The following AGBL1 variants were observed in gnomAD, a reference collection of about 807,000 sequenced individuals.
AGBL1 encodes AGBL carboxypeptidase 1.
A neutral mutation model predicts 118.9 loss-of-function variants in AGBL1; 130 were observed. That is an observed-to-expected ratio of 1.09 (90% confidence interval 0.95 to 1.26). The LOEUF is 1.26. AGBL1 is among the 50% of genes most tolerant of loss of function. The pLI, the probability that AGBL1 is intolerant of heterozygous loss-of-function variation, is 0.00. For synonymous variants in AGBL1, 555 were observed against 478.9 expected (o/e 1.16, Z -2.08); for missense variants, 1,584 against 1,298.1 (o/e 1.22, Z -3.38).
At chr15:87,029,418 T>G (rs1596759087), downstream of AGBL1, among the ~76,000 whole-genome samples, 1 of 151,944 alleles carries the variant, frequency 6.6e-6, no homozygotes, top group Admixed American at 6.6e-5. Flanking sequence ...AGTTCATGCA[T>G]GCTTTGATGT....
chr15:86,263,255 C>T (rs938838155), intron 10 of AGBL1, among the ~76,000 whole-genome samples: 1 of 152,142 alleles, frequency 6.6e-6, no homozygotes, highest in Admixed American at 6.5e-5. Context: ...ACACACAAAT[C>T]CCATTGTATT....
chr15:86,827,443 GTGTGTGTATATATATATATATA>G (rs2079038210), intron 22 of AGBL1, among the ~76,000 whole-genome samples: 1 of 4,552 alleles, frequency 2.2e-4, no homozygotes, highest in African/African-American at 7.8e-4. Flanking sequence ...ATATATATAT[GTGTGTGTATATATATATATATA>G]TATACATATA....
rs147171430 is a variant in AGBL1 at position 86,247,924 on chromosome 15, T to C, written c.735+45T>C. The C allele has an allele frequency of 3.7e-4, 596 of 1,594,294 alleles. 5 individuals are homozygous for C. In the African/African-American group the frequency reaches 7.0e-3, roughly 19 times the overall value. ...ACTCTGCAGCTGGAGGCCAGCTGGGTGATTCCTGAAGGCTGTCATTTAGGA... is the reference window on the plus strand; with the variant it reads ...ACTCTGCAGCTGGAGGCCAGCTGGGCGATTCCTGAAGGCTGTCATTTAGGA... On this transcript the variant is annotated intron_variant, in intron 7 of 22. Transcript: ENST00000614907.
intron 5 of AGBL1, among the ~76,000 whole-genome samples, chr15:86,187,182 C>A (rs1171522670): frequency 6.6e-6 from 1 of 152,144 alleles, no homozygotes; most frequent in Non-Finnish European, 1.5e-5. Context: ...ATAGTATCAG[C>A]AATTAAAAAA....
At chr15:86,489,420 A>T (rs1407823440) in intron 18 of AGBL1, among the ~76,000 whole-genome samples, 2 of 152,150 alleles carry the variant, frequency 1.3e-5, no homozygotes. Context: ...ACTTGATGTG[A>T]CTATTGGTAA....
chr15:86,557,442 C>CA (rs1382840433), intron 21 of AGBL1, among the ~76,000 whole-genome samples: 5 of 152,198 alleles, frequency 3.3e-5, no homozygotes, highest in African/African-American at 1.2e-4. Context: ...AGCAGGCTGT[C>CA]AGCTTGCTCC....
In AGBL1 at chr15:86,341,573, C is replaced by G. The variant is rs550590839; in HGVS notation, c.2374+46165C>G. Among the ~76,000 whole-genome samples, 37 of 152,312 alleles carry G rather than the reference C, an allele frequency of 2.4e-4. No individual in the cohort carries two copies. In the South Asian group the frequency reaches 7.3e-3, roughly 30 times the overall value. On this transcript the variant is annotated intron_variant, in intron 17 of 22. Transcript: ENST00000614907. ...ATATATTCCCAGAAATGGCAGTCCT[C>G]AGGTGCCTTTTAAAGATTCCTCATG...
exon 24 of AGBL1, chr15:86,988,037 T>C: frequency 6.2e-7 from 1 of 1,613,820 alleles, no homozygotes; most frequent in Non-Finnish European, 8.5e-7. Flanking sequence ...GCTTACCACT[T>C]TTTTGCCATT....
intron 17 of AGBL1, among the ~76,000 whole-genome samples, chr15:86,327,694 G>C (rs1183208046): frequency 1.3e-5 from 2 of 152,206 alleles, no homozygotes; most frequent in African/African-American, 4.8e-5. Flanking sequence ...AGGAAATTCA[G>C]CTGAGTTTGT....
chr15:86,097,835 A>G (rs1189264860), intron 1 of AGBL1, among the ~76,000 whole-genome samples: 1 of 152,118 alleles, frequency 6.6e-6, no homozygotes, highest in African/African-American at 2.4e-5. Flanking sequence ...ATAAATACTC[A>G]GTGGTAGAAT....
At chr15:86,683,642 A>C (rs1157592757) in intron 22 of AGBL1, among the ~76,000 whole-genome samples, 1 of 152,148 alleles carries the variant, frequency 6.6e-6, no homozygotes, top group Non-Finnish European at 1.5e-5. Flanking sequence ...TCTCTTGCCT[A>C]TGAAACTATA....
At chr15:86,226,065 C>T (rs1485982945) in intron 6 of AGBL1, among the ~76,000 whole-genome samples, 2 of 152,088 alleles carry the variant, frequency 1.3e-5, no homozygotes, top group Non-Finnish European at 2.9e-5. Context: ...ATGAGATCCA[C>T]AGCTTAAAGA....
intron 22 of AGBL1, among the ~76,000 whole-genome samples, chr15:86,827,958 T>TTTTTTTTTTTTTTTTTTTTTTTTTA (rs2079054035): frequency 7.5e-6 from 1 of 133,932 alleles, no homozygotes; most frequent in Non-Finnish European, 1.6e-5. Context: ...TTTTTTTTTT[T>TTTTTTTTTTTTTTTTTTTTTTTTTA]GAGACAGTAT....
At chr15:86,298,794 C>T (rs1418398965) in intron 17 of AGBL1, among the ~76,000 whole-genome samples, 1 of 152,084 alleles carries the variant, frequency 6.6e-6, no homozygotes, top group Non-Finnish European at 1.5e-5. Context: ...TTACTTGAGT[C>T]TTACTTTAGA....
At chr15:86,702,819 T>C (rs556011341) in intron 22 of AGBL1, among the ~76,000 whole-genome samples, 99 of 150,528 alleles carry the variant, frequency 6.6e-4, no homozygotes, top group East Asian at 1.2e-3. Context: ...TTAGCTTCCC[T>C]TTTTTTTTCC....
At chr15:86,903,315 T>G (rs1384944417) in intron 22 of AGBL1, among the ~76,000 whole-genome samples, 5 of 152,122 alleles carry the variant, frequency 3.3e-5, no homozygotes, top group African/African-American at 1.2e-4. Flanking sequence ...TCTATAATTC[T>G]GTTATTGGAT....
At chr15:86,738,047 T>C (rs1055615514) in intron 22 of AGBL1, among the ~76,000 whole-genome samples, 13 of 152,284 alleles carry the variant, frequency 8.5e-5, no homozygotes, top group South Asian at 2.1e-4. Context: ...CAAAACCATA[T>C]GTTCATCTCT....
At chr15:86,437,219 C>T (rs572300608) in intron 18 of AGBL1, among the ~76,000 whole-genome samples, 3 of 152,154 alleles carry the variant, frequency 2.0e-5, no homozygotes, top group South Asian at 2.1e-4. Flanking sequence ...GTCAAATATT[C>T]GATAGAATTC....
chr15:86,994,311 C>A (rs10162729), intron 24 of AGBL1, among the ~76,000 whole-genome samples: 48,613 of 143,372 alleles, frequency 0.34, 9,656 homozygotes, highest in African/African-American at 0.58. Context: ...CTCTCTCTCT[C>A]TATATATATA....
Sources: allele counts gnomAD v4.1 joint callset (sites outside exome capture counted in the v4.1 genomes callset), GRCh38; gene constraint gnomAD v4.1.1; transcripts MANE v1.5; gene names NCBI Gene and HGNC (gene_info 2026-07-23, HGNC 2026-07-21).